XKR4: variants seen among roughly 807,000 people sequenced by gnomAD.
XKR4 encodes XK related 4, also known as XK-related protein 4.
A neutral mutation model predicts 53.9 loss-of-function variants in XKR4; 12 were observed. The ratio of observed to expected loss-of-function variants is 0.22; its 90% CI spans 0.14 to 0.36. The LOEUF (loss-of-function observed/expected upper bound fraction) is 0.36. Among genes scored for constraint, XKR4 ranks in the 10% least tolerant of loss-of-function variants. The pLI is 1.00. For synonymous variants in XKR4, 354 were observed against 362.4 expected (o/e 0.98, Z 0.26); for missense variants, 799 against 859.5 (o/e 0.93, Z 0.88).
At chr8:55,445,654 G>A (rs1420912092) in intron 2 of XKR4, among the ~76,000 whole-genome samples, 2 of 152,088 alleles carry the variant, frequency 1.3e-5, no homozygotes, top group Non-Finnish European at 2.9e-5. Context: ...GCTGTCTAGG[G>A]CGGGAGATTA....
At position 55,251,021 on chromosome 8, in the gene XKR4, C is replaced by T. The variant is rs140643228; in HGVS notation, c.807-106657C>T. ...GAGAGTGCTAGGAATCCAACAGGGA[C>T]GAAGTACACCCTCAAGAAGCTGTAG... On this transcript the variant is annotated intron_variant, in intron 1 of 2. Transcript: ENST00000327381. Among the ~76,000 whole-genome samples, 279 of 152,212 alleles carry T rather than the reference C, an allele frequency of 1.8e-3. 1 individual carries two copies. The highest frequency in any genetic ancestry group is 5.8e-3 in the African/African-American group (239 of 41,520).
At chr8:55,286,886 T>G (rs1418610439) in intron 1 of XKR4, among the ~76,000 whole-genome samples, 2 of 152,228 alleles carry the variant, frequency 1.3e-5, no homozygotes, top group South Asian at 2.1e-4. Flanking sequence ...GTCTACTTTC[T>G]AATGAAAGAT....
intron 1 of XKR4, among the ~76,000 whole-genome samples, chr8:55,132,650 A>G (rs1217392485): frequency 6.6e-6 from 1 of 152,200 alleles, no homozygotes; most frequent in Non-Finnish European, 1.5e-5. Flanking sequence ...CCTCTGCACT[A>G]GAATCCCGTG....
Position 55,529,840 on chromosome 8 carries a change from G to A in XKR4, c.*5613G>A, listed in dbSNP as rs1268353186. On this transcript the variant is annotated 3_prime_UTR_variant, in exon 3 of 3. Coordinates refer to ENST00000327381, the MANE Select transcript of XKR4 (RefSeq NM_052898.2). ...ATGAACAGTTAAAAATGTAAAAGTCGATGTAAAATGGAAGTCTCTATCACC... is the reference window on the plus strand; with the variant it reads ...ATGAACAGTTAAAAATGTAAAAGTCAATGTAAAATGGAAGTCTCTATCACC... The A allele has an allele frequency of 4.6e-5, 7 of 152,016 alleles. No individual in the cohort carries two copies. Among genetic ancestry groups the A allele is most frequent in the African/African-American group, 1.7e-4 (7 of 41,384 alleles). The allele number at this position is 152,016 out of a possible 1,614,324, so 9.4% of individuals were successfully genotyped here.
intron 1 of XKR4, among the ~76,000 whole-genome samples, chr8:55,178,447 C>T (rs1389812912): frequency 1.3e-5 from 2 of 152,180 alleles, no homozygotes; most frequent in African/African-American, 2.4e-5. Flanking sequence ...GAACGTCAAA[C>T]GTTCAGTACA....
intron 2 of XKR4, among the ~76,000 whole-genome samples, chr8:55,367,785 T>C (rs1188812074): frequency 1.3e-5 from 2 of 152,108 alleles, no homozygotes; most frequent in African/African-American, 4.8e-5. Context: ...TCCTGTGTGC[T>C]CCACCTCCAA....
At chr8:55,240,676 A>C (rs1043261189) in intron 1 of XKR4, among the ~76,000 whole-genome samples, 1 of 152,218 alleles carries the variant, frequency 6.6e-6, no homozygotes, top group African/African-American at 2.4e-5. Context: ...CACACAGGCA[A>C]GGGAATAGCC....
At chr8:55,268,708 ATTG>A (rs1371475849) in intron 1 of XKR4, among the ~76,000 whole-genome samples, 1 of 152,142 alleles carries the variant, frequency 6.6e-6, no homozygotes, top group Non-Finnish European at 1.5e-5. Context: ...CTTTGAGTGC[ATTG>A]TTTTTACTGG....
At chr8:55,241,331 T>A (rs1818207709) in intron 1 of XKR4, among the ~76,000 whole-genome samples, 3 of 152,230 alleles carry the variant, frequency 2.0e-5, no homozygotes, top group Admixed American at 1.3e-4. Context: ...GCAACCTTTG[T>A]GGTCCTGGCA....
At chr8:55,311,091 C>T (rs1225248400) in intron 1 of XKR4, among the ~76,000 whole-genome samples, 1 of 152,214 alleles carries the variant, frequency 6.6e-6, no homozygotes, top group African/African-American at 2.4e-5. Flanking sequence ...TGCCTGAGGG[C>T]AGCCTTCTGG....
At chr8:55,204,326 T>C (rs555916663) in intron 1 of XKR4, among the ~76,000 whole-genome samples, 10 of 152,304 alleles carry the variant, frequency 6.6e-5, no homozygotes, top group Middle Eastern at 3.4e-3. Context: ...AAAAATGGAA[T>C]TAAATGGAAT....
chr8:55,396,252 G>C (rs2975943), intron 2 of XKR4, among the ~76,000 whole-genome samples: 1 of 152,076 alleles, frequency 6.6e-6, no homozygotes, highest in East Asian at 1.9e-4. Flanking sequence ...TCTGAGATGC[G>C]TGTGCTGTTT....
intron 2 of XKR4, among the ~76,000 whole-genome samples, chr8:55,409,812 T>A (rs1585560209): frequency 6.6e-6 from 1 of 152,306 alleles, no homozygotes; most frequent in East Asian, 1.9e-4. Flanking sequence ...TAGCTTCTGT[T>A]GAATTCCAAC....
chr8:55,452,658 G>A (rs1244576272), intron 2 of XKR4: 24 of 1,435,988 alleles, frequency 1.7e-5, no homozygotes, highest in East Asian at 2.3e-5. Context: ...GTGGTCACTG[G>A]TGACCCCACT....
chr8:55,226,970 A>G (rs1183617666), intron 1 of XKR4, among the ~76,000 whole-genome samples: 1 of 152,106 alleles, frequency 6.6e-6, no homozygotes, highest in African/African-American at 2.4e-5. Context: ...GCTTCCCAAA[A>G]GGCACCCACA....
At chr8:55,339,875 AC>A (rs1046371705) in intron 1 of XKR4, among the ~76,000 whole-genome samples, 13 of 152,044 alleles carry the variant, frequency 8.6e-5, no homozygotes, top group South Asian at 2.1e-4. Flanking sequence ...TCCAAAAAAA[AC>A]AACAACAAAA....
In XKR4 at chr8:55,307,365, G is replaced by T. The variant is rs78419442; in HGVS notation, c.807-50313G>T. Among the ~76,000 whole-genome samples the T allele has an allele frequency of 4.8e-4, 73 of 152,314 alleles. No individual in the cohort carries two copies. The East Asian group carries it at 0.013, about 28-fold the overall frequency. ...AACATTTTACTAAACAGCATATACA[G>T]GAGGGGTGCAGTGGCTCACACCTGT... On this transcript the variant is annotated intron_variant, in intron 1 of 2. Transcript: ENST00000327381.
Position 55,329,746 on chromosome 8 carries a change from A to G in XKR4, c.807-27932A>G, listed in dbSNP as rs552764308. Among the ~76,000 whole-genome samples the G allele has an allele frequency of 4.1e-4, 62 of 152,294 alleles. 1 individual carries two copies. In the South Asian group the frequency reaches 0.012, roughly 30 times the overall value. ...GGCTTTGTTTAATCCACTCATGCAA[A>G]TAAATCCTATTGTTTTATCATCAAG... On this transcript the variant is annotated intron_variant, in intron 1 of 2. Transcript: ENST00000327381.
intron 2 of XKR4, among the ~76,000 whole-genome samples, chr8:55,382,122 T>C (rs1418556359): frequency 1.3e-5 from 2 of 152,242 alleles, no homozygotes; most frequent in Non-Finnish European, 2.9e-5. Context: ...GATGCCTTTG[T>C]CAAATTTTCC....
Sources: gnomAD v4.1 joint callset for allele counts (sites outside exome capture counted in the v4.1 genomes callset) on GRCh38, gnomAD v4.1.1 for gene constraint, MANE v1.5 for transcripts, NCBI Gene and HGNC (gene_info 2026-07-23, HGNC 2026-07-21) for gene names.